The following ASTN2 variants were observed in gnomAD, a reference collection of about 807,000 sequenced individuals.
ASTN2 encodes the protein astrotactin-2.
A neutral mutation model predicts 139.8 loss-of-function variants in ASTN2; 54 were observed. That is an observed-to-expected ratio of 0.39 (90% CI 0.31 to 0.48). ASTN2 has a LOEUF of 0.48. ASTN2 is among the 20% of genes least tolerant of loss of function. The probability of loss-of-function intolerance (pLI) is 0.95; values close to 1 mark genes in which losing one functional copy is unlikely to be tolerated. For missense variants in ASTN2, 1,565 were observed against 1,725.1 expected (o/e 0.91, Z 1.64); for synonymous variants, 756 against 719.5 (o/e 1.05, Z -0.81).
In ASTN2 at chr9:117,365,317, GAA is replaced by G. The variant is rs1344135247; in HGVS notation, c.442+49178_442+49179del. On this transcript the variant is annotated intron_variant, in intron 1 of 22. Coordinates refer to ENST00000313400, the MANE Select transcript of ASTN2 (RefSeq NM_001365068.1). ...AGAAAGAAAAAGAAAGAAAGAAAAA[GAA>G]AGAAAGAAAGAAAGAAAGAGAGAAA... Among the ~76,000 whole-genome samples the G allele has an allele frequency of 5.0e-3, 744 of 148,236 alleles. 5 individuals carry two copies. Among genetic ancestry groups the G allele is most frequent in the African/African-American group, 0.016 (644 of 39,140 alleles).
At chr9:117,355,937 A>G (rs1418019202) in intron 1 of ASTN2, among the ~76,000 whole-genome samples, 1 of 152,174 alleles carries the variant, frequency 6.6e-6, no homozygotes, top group East Asian at 1.9e-4. Flanking sequence ...AACCCAGAGA[A>G]GGGGAGCAGC....
chr9:116,676,338 T>C lies in ASTN2; in HGVS notation c.2807-24545A>G, dbSNP rs540965233. 7.9e-5 allele frequency among the ~76,000 whole-genome samples: 12 copies of C among 152,278 alleles called. No individual in the cohort carries two copies. The South Asian group carries it at 2.3e-3, about 29-fold the overall frequency. On this transcript the variant is annotated intron_variant, in intron 16 of 22. Transcript: ENST00000313400. Reference sequence around the variant, plus strand: ...GAGACTAGTCTTAGGCCATAGCAAATCTGGTGTACTTTGTGCTAAGAATTT... The same window carrying C: ...GAGACTAGTCTTAGGCCATAGCAAACCTGGTGTACTTTGTGCTAAGAATTT...
chr9:116,586,426 T>C (rs1217029440), intron 19 of ASTN2: 1 of 152,094 alleles, frequency 6.6e-6, no homozygotes, highest in Non-Finnish European at 1.5e-5. Context: ...ATAAAGAAAA[T>C]GTAGTACATA....
chr9:116,460,375 G>A (rs1322665440), intron 20 of ASTN2, among the ~76,000 whole-genome samples: 1 of 152,144 alleles, frequency 6.6e-6, no homozygotes, highest in Non-Finnish European at 1.5e-5. Context: ...CCACTGAATT[G>A]TAGCCTTAAA....
chr9:117,026,723 A>C (rs1838096976), intron 6 of ASTN2, among the ~76,000 whole-genome samples: 1 of 152,192 alleles, frequency 6.6e-6, no homozygotes, highest in Admixed American at 6.5e-5. Context: ...TCATTAAACA[A>C]ATCTTTATTG....
At chr9:117,337,424 T>C (rs1564153545) in intron 1 of ASTN2, among the ~76,000 whole-genome samples, 1 of 152,164 alleles carries the variant, frequency 6.6e-6, no homozygotes, top group Admixed American at 6.5e-5. Flanking sequence ...TAATTCTTTA[T>C]TATCTACCAT....
At chr9:116,738,153 C>T (rs1828992687) in intron 13 of ASTN2, among the ~76,000 whole-genome samples, 1 of 141,908 alleles carries the variant, frequency 7.0e-6, no homozygotes, top group African/African-American at 2.6e-5. Context: ...GATCGCGCCA[C>T]TGCACTCCAG....
chr9:116,565,375 CTCTCTCTCTCTCCATATA>C lies in ASTN2; in HGVS notation c.3355+52931_3355+52948del, dbSNP rs1441169327. The stretch of plus-strand genomic sequence containing the variant: ...TTTCTCTCTCTCTCTCTCTCTCTCT[CTCTCTCTCTCTCCATATA>C]TATATATATATATATATATATATAT... On this transcript the variant is annotated intron_variant, in intron 19 of 22. Transcript: ENST00000313400. Among the ~76,000 whole-genome samples the C allele has an allele frequency of 4.6e-4, 14 of 30,610 alleles. No individual in the cohort carries two copies. The East Asian group carries it at 6.2e-3, about 14-fold the overall frequency. The allele number at this position is 30,610 out of a possible 152,430, so 20.1% of individuals were successfully genotyped here. A position where few individuals can be genotyped will look rare whatever the true frequency, so the allele number is the denominator to read the frequency against.
At chr9:117,056,408 A>G (rs1044662819) in intron 5 of ASTN2, among the ~76,000 whole-genome samples, 45 of 152,144 alleles carry the variant, frequency 3.0e-4, no homozygotes, top group Admixed American at 6.5e-5. Flanking sequence ...TCCCACACAC[A>G]TGGTATGTGC....
At chr9:116,460,333 G>A (rs1775158219) in intron 20 of ASTN2, among the ~76,000 whole-genome samples, 1 of 152,116 alleles carries the variant, frequency 6.6e-6, no homozygotes, top group Non-Finnish European at 1.5e-5. Context: ...TGTGATGGTT[G>A]TGCAACTTTG....
chr9:117,109,293 T>A (rs10983527), intron 4 of ASTN2, among the ~76,000 whole-genome samples: 81,992 of 138,838 alleles, frequency 0.59, 22,371 homozygotes, highest in Middle Eastern at 0.68. Flanking sequence ...AAAAATTAAT[T>A]AATAAATAAA....
At chr9:117,376,345 C>A (rs1289506158) in intron 1 of ASTN2, among the ~76,000 whole-genome samples, 1 of 152,118 alleles carries the variant, frequency 6.6e-6, no homozygotes, top group Admixed American at 6.5e-5. Flanking sequence ...TCTCCCCTTC[C>A]CATAGTATGT....
chr9:117,366,798 G>A lies in ASTN2; in HGVS notation c.442+47699C>T, dbSNP rs146750563. Among the ~76,000 whole-genome samples, 342 of 151,432 alleles carry A rather than the reference G, an allele frequency of 2.3e-3. 2 individuals carry two copies. The highest frequency in any genetic ancestry group is 7.5e-3 in the African/African-American group (309 of 41,252). On this transcript the variant is annotated intron_variant, in intron 1 of 22. Transcript: ENST00000313400. ...ATCTTCTCTTTTTTTTTTCTGAGAC[G>A]CAGTCTCACTCTGTCTCCCAGGCTG...
rs1402643085 is a variant in ASTN2 at position 117,060,384 on chromosome 9, A to AAGAT, written c.1277-20420_1277-20419insATCT. Among the ~76,000 whole-genome samples, 39 of 78,750 alleles carry AAGAT rather than the reference A, an allele frequency of 5.0e-4. 5 individuals are homozygous for AAGAT. Among genetic ancestry groups the AAGAT allele is most frequent in the African/African-American group, 2.2e-3 (34 of 15,398 alleles). The allele number at this position is 78,750 out of a possible 152,430, so 51.7% of individuals were successfully genotyped here. ...AAAGAAAGAAAGAAAGAAAGAAAGAAAGAAAGAAAGAAAGAAAGAAAGAAA... is the reference window on the plus strand; with the variant it reads ...AAAGAAAGAAAGAAAGAAAGAAAGAAAGATAGAAAGAAAGAAAGAAAGAAAGAAA... On this transcript the variant is annotated intron_variant, in intron 5 of 22. Transcript: ENST00000313400.
In ASTN2 at chr9:116,699,321, G is replaced by C; in HGVS notation, c.2806+26450C>G. 1.2e-6 allele frequency: 2 copies of C among 1,614,184 alleles called. No homozygotes were observed. The highest frequency in any genetic ancestry group is 1.7e-6 in the Non-Finnish European group (2 of 1,180,042). The stretch of plus-strand genomic sequence containing the variant: ...TGTCACCTGTGATGCTGAGGGCACC[G>C]TCTACTTCACCCAGGGCTTAGGCCT... On this transcript the variant is annotated intron_variant, in intron 16 of 22. Coordinates refer to ENST00000313400, the MANE Select transcript of ASTN2 (RefSeq NM_001365068.1). The surrounding 1 kb of genome is among the most constrained non-coding windows in gnomAD (Gnocchi z 4.2).
intron 19 of ASTN2, among the ~76,000 whole-genome samples, chr9:116,543,070 A>T (rs773582516): frequency 9.9e-5 from 15 of 152,058 alleles, no homozygotes; most frequent in Non-Finnish European, 1.5e-4. Flanking sequence ...AACCTCTACT[A>T]GATAAGCACC....
chr9:116,520,630 T>C (rs1277552301), intron 19 of ASTN2, among the ~76,000 whole-genome samples: 3 of 152,044 alleles, frequency 2.0e-5, no homozygotes, highest in Admixed American at 6.6e-5. Context: ...CTGTTCAACA[T>C]AGTAGTGGAA....
rs536396611 is a variant in ASTN2 at position 116,702,682 on chromosome 9, A to G, written c.2806+23089T>C. 2.0e-5 allele frequency among the ~76,000 whole-genome samples: 3 copies of G among 152,262 alleles called. No individual in the cohort carries two copies. In the South Asian group the frequency reaches 6.2e-4, roughly 32 times the overall value. On this transcript the variant is annotated intron_variant, in intron 16 of 22. Transcript: ENST00000313400. The stretch of plus-strand genomic sequence containing the variant: ...CCCCTTAGATTAGATAAAAAAGGAT[A>G]CTCAGACAAGCCCTTTTATAAGGTG...
chr9:116,470,495 T>G (rs1392552114), intron 20 of ASTN2, among the ~76,000 whole-genome samples: 1 of 152,190 alleles, frequency 6.6e-6, no homozygotes, highest in African/African-American at 2.4e-5. Context: ...TCTTTGGGCT[T>G]TGGTTTTCTC....
Sources: gnomAD v4.1 joint callset for allele counts (sites outside exome capture counted in the v4.1 genomes callset) on GRCh38, gnomAD v4.1.1 for gene constraint, Gnocchi (gnomAD v3.1) non-coding constraint, MANE v1.5 for transcripts, NCBI Gene and HGNC (gene_info 2026-07-23, HGNC 2026-07-21) for gene names.